The following AXL variants were observed in gnomAD, a reference collection of about 807,000 sequenced individuals.
AXL encodes AXL receptor tyrosine kinase, also known as tyrosine-protein kinase receptor UFO.
In AXL, 52 loss-of-function variants were observed where a neutral mutation model predicts 104.5. The observed-to-expected ratio is 0.50, with a 90% CI of 0.40 to 0.63. The LOEUF (loss-of-function observed/expected upper bound fraction) is 0.63, where lower values mean the gene tolerates loss of function less well. Ranked by LOEUF, AXL falls within the 20% of genes least tolerant of loss-of-function variation. AXL has a pLI of 0.00. For missense variants in AXL, 1,024 were observed against 1,188.5 expected (o/e 0.86, Z 2.04); for synonymous variants, 455 against 473.7 (o/e 0.96, Z 0.51).
chr19:41,230,177 G>GTC (rs2033953401), intron 4 of AXL, among the ~76,000 whole-genome samples: 1 of 151,834 alleles, frequency 6.6e-6, no homozygotes, highest in African/African-American at 2.4e-5. Context: ...CTGTGTCTGT[G>GTC]TGTGAGCATA....
At chr19:41,223,443 G>A (rs1323378196) in intron 4 of AXL, among the ~76,000 whole-genome samples, 1 of 152,162 alleles carries the variant, frequency 6.6e-6, no homozygotes, top group Non-Finnish European at 1.5e-5. Context: ...CATCACTGGG[G>A]GACCCTGGAT....
intron 4 of AXL, 50 bp downstream of exon 4, chr19:41,222,106 G>T: frequency 6.9e-7 from 1 of 1,452,052 alleles, no homozygotes. Flanking sequence ...GGGCAGGGCT[G>T]AAGTCAGGAG....
In AXL at chr19:41,248,574, G is replaced by A. The variant is rs771968815; in HGVS notation, c.1598G>A (p.Arg533Gln). 8.7e-6 allele frequency: 14 copies of A among 1,614,120 alleles called. No individual in the cohort carries two copies. Among genetic ancestry groups the A allele is most frequent in the Middle Eastern group, 1.6e-4 (1 of 6,062 alleles). ...KEKLRDVMVD[R>Q]HKVALGKTLG... ...AAGCTGCGGGATGTGATGGTGGACC[G>A]GCACAAGGTGGCCCTGGGGAAGACT... The change falls in exon 13 of 20, where the codon CGG becomes CAG. Residue 533 changes from arginine (R) to glutamine (Q), a missense_variant. Coordinates refer to ENST00000301178, the MANE Select transcript of AXL (RefSeq NM_021913.5).
chr19:41,231,326 A>G (rs1392526630), intron 6 of AXL, 28 bp downstream of exon 6: 1 of 1,585,274 alleles, frequency 6.3e-7, no homozygotes, highest in South Asian at 1.1e-5. Flanking sequence ...GGTTCATTTC[A>G]GTCTCAGGCC....
At position 41,238,598 on chromosome 19, in the gene AXL, G is replaced by T; in HGVS notation, c.1123G>T (p.Asp375Tyr). The T allele has an allele frequency of 1.2e-6, 2 of 1,610,786 alleles. No individual in the cohort carries two copies. Among genetic ancestry groups the T allele is most frequent in the African/African-American group, 2.7e-5 (2 of 75,002 alleles). ...LGYRLAYQGQ[D>Y]TPEVLMDIGL... ...GTACCGGCTGGCGTATCAAGGCCAG[G>T]ACACCCCAGAGGTGGGTGCTGCTGG... Residue 375 changes from aspartate to tyrosine, a missense_variant, in exon 8 of 20, where the codon GAC becomes TAC. Asp to Tyr is a radical substitution (Grantham distance 160). Around this residue, in one of 5 missense-constraint regions of AXL, gnomAD observed 332 missense variants for 343.9 expected, o/e 0.97. Transcript: ENST00000301178.
chr19:41,238,194 C>T lies in AXL; in HGVS notation c.994+40C>T, dbSNP rs779252391. 4.0e-5 allele frequency: 64 copies of T among 1,602,992 alleles called. No homozygotes were observed. In the Middle Eastern group the frequency reaches 1.6e-3, roughly 40 times the overall value. ...GGAGGGACACGTCACCACTGCCCCACCGGACCTTGCTTATATCAGTGCCAC... is the reference window on the plus strand; with the variant it reads ...GGAGGGACACGTCACCACTGCCCCATCGGACCTTGCTTATATCAGTGCCAC... On this transcript the variant is annotated intron_variant, in intron 7 of 19. Coordinates refer to ENST00000301178, the MANE Select transcript of AXL (RefSeq NM_021913.5).
rs1335423969 is a variant in AXL at position 41,231,198 on chromosome 19, C to A, written c.683C>A (p.Pro228His). ...TATITVLPQQ[P>H]RNLHLVSRQP... The stretch of plus-strand genomic sequence containing the variant: ...TTGTCCACAGTGCTCCCCCAGCAGC[C>A]CCGTAACCTCCACCTGGTCTCCCGC... The change falls in exon 6 of 20, where the codon CCC becomes CAC. Residue 228 changes from proline to histidine, a missense_variant. Physicochemically the swap from Pro to His is moderately conservative, Grantham distance 77 (BLOSUM62 -2). Transcript: ENST00000301178. 1 of 1,613,264 alleles carries A rather than the reference C, an allele frequency of 6.2e-7. No individual in the cohort carries two copies. The highest frequency in any genetic ancestry group is 1.7e-5 in the Admixed American group (1 of 59,926).
intron 17 of AXL, among the ~76,000 whole-genome samples, chr19:41,254,257 C>T (rs1047813638): frequency 1.3e-5 from 2 of 150,308 alleles, no homozygotes; most frequent in African/African-American, 2.5e-5. Flanking sequence ...CAGCCTGGTG[C>T]GGTGGTGTGC....
At chr19:41,256,404 T>C (rs536533434) in intron 17 of AXL, 48 bp from the exon 18 acceptor site, 2 of 1,588,868 alleles carry the variant, frequency 1.3e-6, no homozygotes, top group African/African-American at 2.7e-5. Flanking sequence ...GGCTTCCTGG[T>C]GGAGGTGACT....
chr19:41,233,769 G>A (rs1447081683), intron 6 of AXL, among the ~76,000 whole-genome samples: 1 of 151,008 alleles, frequency 6.6e-6, no homozygotes, highest in African/African-American at 2.4e-5. Context: ...AGCCGAAGCT[G>A]AGATTCAATC....
chr19:41,230,945 C>T (rs2033975715), intron 4 of AXL, 22 bp from the exon 5 acceptor site: 1 of 1,611,860 alleles, frequency 6.2e-7, no homozygotes, highest in African/African-American at 1.3e-5. Flanking sequence ...ATATTGGACC[C>T]TTCCCTCATA....
intron 9 of AXL, among the ~76,000 whole-genome samples, 179 bp downstream of exon 9, chr19:41,239,493 G>C (rs1284959115): frequency 2.8e-5 from 4 of 143,122 alleles, no homozygotes; most frequent in Admixed American, 2.1e-4. Context: ...CTGTGCCACG[G>C]CCTCACTCCT....
chr19:41,247,564 T>C (rs77163663), intron 12 of AXL, among the ~76,000 whole-genome samples: 59 of 152,302 alleles, frequency 3.9e-4, no homozygotes, highest in Non-Finnish European at 6.8e-4. Context: ...CAGATTATAC[T>C]TCAATAAAAA....
rs2033780528 is a variant in AXL at position 41,220,969 on chromosome 19, C to T, written c.308+111C>T. 25 of 1,324,504 alleles carry T rather than the reference C, an allele frequency of 1.9e-5. No individual in the cohort carries two copies. In the South Asian group the frequency reaches 3.2e-4, roughly 17 times the overall value. The allele number at this position is 1,324,504 out of a possible 1,614,324, so 82.0% of individuals were successfully genotyped here. A position where few individuals can be genotyped will look rare whatever the true frequency, so the allele number is the denominator to read the frequency against. On this transcript the variant is annotated intron_variant, in intron 2 of 19. Coordinates refer to ENST00000301178, the MANE Select transcript of AXL (RefSeq NM_021913.5). The stretch of plus-strand genomic sequence containing the variant: ...CACTTGTCAGCCGTGCGGCTTTGAG[C>T]ATGTGATGGAACCTCTAGGTTTCGT...
intron 3 of AXL, 27 bp downstream of exon 3, chr19:41,221,273 G>A: frequency 6.3e-7 from 1 of 1,598,254 alleles, no homozygotes; most frequent in South Asian, 1.1e-5. Flanking sequence ...GGGGTCCTGA[G>A]GGGTCAGAGG....
intron 10 of AXL, among the ~76,000 whole-genome samples, chr19:41,240,882 C>A (rs1357089397): frequency 6.6e-6 from 1 of 151,886 alleles, no homozygotes; most frequent in Admixed American, 6.6e-5. Flanking sequence ...CCATAGACAT[C>A]ATTCCCTCAC....
chr19:41,242,817 C>T, intron 10 of AXL, 66 bp from the exon 11 acceptor site: 5 of 1,599,404 alleles, frequency 3.1e-6, no homozygotes, highest in South Asian at 1.1e-5. Flanking sequence ...CCACATCACC[C>T]CTTTGGGTCC....
intron 9 of AXL, among the ~76,000 whole-genome samples, 159 bp downstream of exon 9, chr19:41,239,473 A>C (rs2034141919): frequency 6.8e-6 from 1 of 147,796 alleles, no homozygotes; most frequent in Non-Finnish European, 1.5e-5. Flanking sequence ...CCAACCCCTC[A>C]CTCCCTTACC....
intron 4 of AXL, among the ~76,000 whole-genome samples, chr19:41,225,909 G>A (rs12982637): frequency 6.6e-6 from 1 of 152,172 alleles, no homozygotes; most frequent in Admixed American, 6.6e-5. Flanking sequence ...ATCTGACTCA[G>A]GGCGTGCCCC....
Sources: allele counts gnomAD v4.1 joint callset (sites outside exome capture counted in the v4.1 genomes callset), GRCh38; gene constraint gnomAD v4.1.1; regional missense constraint gnomAD v4.1.1; transcripts MANE v1.5; gene names NCBI Gene and HGNC (gene_info 2026-07-23, HGNC 2026-07-21).